ZNF600: variants seen among roughly 807,000 people sequenced by gnomAD.
ZNF600 encodes zinc finger protein 600, also known as zinc finger protein KR-ZNF1.
Under a neutral mutation model 7.3 loss-of-function variants are expected in ZNF600, and 4 were observed. That is an observed-to-expected ratio of 0.55 (90% confidence interval 0.27 to 1.25). ZNF600 has a LOEUF of 1.25. Among genes scored for constraint, ZNF600 ranks in the 50% most tolerant of loss-of-function variants. The pLI, the probability that ZNF600 is intolerant of heterozygous loss-of-function variation, is 0.12. For synonymous variants in ZNF600, 290 were observed against 308.9 expected, an observed-to-expected ratio of 0.94 and a Z score of 0.64; for missense variants, 911 against 922.1, an observed-to-expected ratio of 0.99 and a Z score of 0.16.
chr19:52,803,482 C>T, the ZNF600 span, among the ~76,000 whole-genome samples: 1 of 152,038 alleles, frequency 6.6e-6, no homozygotes, highest in Non-Finnish European at 1.5e-5. Flanking sequence ...ATATTGCAAC[C>T]CATGATAAAA....
At chr19:52,791,143 A>C (rs1200932382), upstream of ZNF600, among the ~76,000 whole-genome samples, 1 of 152,244 alleles carries the variant, frequency 6.6e-6, no homozygotes, top group Admixed American at 6.5e-5. Flanking sequence ...TATATGTTTC[A>C]TATGTGGTTT....
At position 52,783,786 on chromosome 19, in the gene ZNF600, TTTTG is replaced by T. The variant is rs745692933; in HGVS notation, c.-20+2805_-20+2808del. 1.6e-4 allele frequency among the ~76,000 whole-genome samples: 24 copies of T among 152,254 alleles called. No homozygotes were observed. In the South Asian group the frequency reaches 1.7e-3, roughly 11 times the overall value. ...CTGTTTTGCTCCATTCTTTTTTGTTTTTTGTTTGTTTGTTTGTTTTTTAGACGGA... is the reference window on the plus strand; with the variant it reads ...CTGTTTTGCTCCATTCTTTTTTGTTTTTTGTTTGTTTGTTTTTTAGACGGA... On this transcript the variant is annotated intron_variant, in intron 1 of 3. Transcript: ENST00000648973.
exon 4 of ZNF600, chr19:52,765,924 T>A: frequency 6.2e-7 from 1 of 1,614,200 alleles, no homozygotes; most frequent in Non-Finnish European, 8.5e-7. Context: ...TTCATTACAC[T>A]TGTAAGGTTT....
At chr19:52,806,797 G>C in the ZNF600 span, among the ~76,000 whole-genome samples, 2 of 151,934 alleles carry the variant, frequency 1.3e-5, no homozygotes, top group Non-Finnish European at 2.9e-5. Flanking sequence ...AGCTACTCAG[G>C]AATCTGGGGC....
chr19:52,802,852 C>T, the ZNF600 span, among the ~76,000 whole-genome samples: 1 of 150,436 alleles, frequency 6.6e-6, no homozygotes, highest in Non-Finnish European at 1.5e-5. Flanking sequence ...GCTCCACCTC[C>T]CGGGTTCACG....
the ZNF600 span, chr19:52,800,821 G>T: frequency 6.2e-7 from 1 of 1,613,820 alleles, no homozygotes; most frequent in Non-Finnish European, 8.5e-7. Context: ...TGTTTTGCTA[G>T]GTATGAATTA....
chr19:52,782,252 A>G (rs2062728583), intron 1 of ZNF600, among the ~76,000 whole-genome samples: 1 of 152,128 alleles, frequency 6.6e-6, no homozygotes, highest in Non-Finnish European at 1.5e-5. Flanking sequence ...GGCTGGACGC[A>G]GCAGCTCATG....
chr19:52,795,347 A>T, the ZNF600 span, among the ~76,000 whole-genome samples: 1 of 152,182 alleles, frequency 6.6e-6, no homozygotes, highest in Non-Finnish European at 1.5e-5. Context: ...AGGTACCAGA[A>T]AATGTTTCCA....
At chr19:52,786,039 T>C (rs1156962109) in intron 1 of ZNF600, among the ~76,000 whole-genome samples, 1 of 152,156 alleles carries the variant, frequency 6.6e-6, no homozygotes, top group Non-Finnish European at 1.5e-5. Context: ...TTTCTACTGC[T>C]CTCTCAGTCC....
chr19:52,809,836 G>A, the ZNF600 span: 36 of 561,912 alleles, frequency 6.4e-5, no homozygotes, highest in East Asian at 1.1e-3. Context: ...GGCGGCGGCG[G>A]CGGTGGCGGT....
the ZNF600 span, chr19:52,810,768 T>TCAAAAA: frequency 1.1e-3 from 487 of 437,316 alleles, 10 homozygotes; most frequent in African/African-American, 0.015. Flanking sequence ...AAAAAAAGAA[T>TCAAAAA]AAAAAAAAAC....
the ZNF600 span, among the ~76,000 whole-genome samples, chr19:52,795,652 C>T: frequency 2.0e-5 from 3 of 152,096 alleles, no homozygotes; most frequent in African/African-American, 4.8e-5. Context: ...TTGCAATGTC[C>T]GCCTCCTGGA....
the ZNF600 span, among the ~76,000 whole-genome samples, chr19:52,819,450 A>G: frequency 1.8e-4 from 23 of 125,040 alleles, 5 homozygotes; most frequent in South Asian, 6.0e-3. Context: ...TCTAATTACA[A>G]CTGGGCACTC....
the ZNF600 span, among the ~76,000 whole-genome samples, chr19:52,823,610 C>T: frequency 6.6e-6 from 1 of 152,168 alleles, no homozygotes; most frequent in Admixed American, 6.5e-5. Flanking sequence ...ATGTCCGTAG[C>T]TTTAAATTTG....
chr19:52,810,101 C>G, the ZNF600 span: 3 of 795,578 alleles, frequency 3.8e-6, no homozygotes, highest in South Asian at 2.8e-5. Flanking sequence ...CCACCGGCAG[C>G]CAAGAGGAGG....
At chr19:52,766,894 T>C in exon 4 of ZNF600, 1 of 1,614,104 alleles carries the variant, frequency 6.2e-7, no homozygotes, top group Non-Finnish European at 8.5e-7. Context: ...CGTGCAAGGT[T>C]TGATTGCTGA....
At chr19:52,785,614 A>C (rs550341116) in intron 1 of ZNF600, among the ~76,000 whole-genome samples, 3 of 151,918 alleles carry the variant, frequency 2.0e-5, no homozygotes, top group African/African-American at 7.3e-5. Context: ...TATATATTAC[A>C]GCCTCTTCTC....
chr19:52,828,186 G>A, the ZNF600 span, among the ~76,000 whole-genome samples: 4 of 151,958 alleles, frequency 2.6e-5, no homozygotes, highest in South Asian at 8.4e-4. Context: ...TGAGTAGCTG[G>A]GATTACAGGC....
At chr19:52,813,249 G>GGAAA in the ZNF600 span, among the ~76,000 whole-genome samples, 5 of 62,982 alleles carry the variant, frequency 7.9e-5, no homozygotes, top group Non-Finnish European at 1.4e-4. Context: ...CTTGAATGGT[G>GGAAA]AAAAAAAAAA....
Sources: allele counts gnomAD v4.1 joint callset (sites outside exome capture counted in the v4.1 genomes callset), GRCh38; gene constraint gnomAD v4.1.1; transcripts MANE v1.5; gene names NCBI Gene and HGNC (gene_info 2026-07-23, HGNC 2026-07-21).